MAMDC2: variants seen among roughly 807,000 people sequenced by gnomAD.
MAMDC2 encodes MAM domain containing 2.
In MAMDC2, 57 loss-of-function variants were observed where a neutral mutation model predicts 89.8. The ratio of observed to expected loss-of-function variants is 0.63; its 90% CI spans 0.51 to 0.79. The LOEUF (loss-of-function observed/expected upper bound fraction) is 0.79, where lower values mean the gene tolerates loss of function less well. Among genes scored for constraint, MAMDC2 ranks in the 30% least tolerant of loss-of-function variants. MAMDC2 has a pLI of 0.00. For missense variants in MAMDC2, 800 were observed against 820.6 expected, an observed-to-expected ratio of 0.97 and a Z score of 0.31; for synonymous variants, 313 against 293.4, an observed-to-expected ratio of 1.07 and a Z score of -0.68.
intron 2 of MAMDC2, among the ~76,000 whole-genome samples, chr9:70,059,419 A>C (rs565193893): frequency 2.8e-4 from 42 of 152,266 alleles, no homozygotes; most frequent in African/African-American, 9.6e-4. Context: ...CATGTGCATT[A>C]GGAAGCCACA....
At chr9:70,210,091 C>T (rs1393106199) in intron 11 of MAMDC2, among the ~76,000 whole-genome samples, 1 of 152,148 alleles carries the variant, frequency 6.6e-6, no homozygotes, top group East Asian at 1.9e-4. Flanking sequence ...CAATGTGGTG[C>T]TGAGAAGAAT....
At chr9:70,079,542 G>T (rs1233755647) in intron 2 of MAMDC2, among the ~76,000 whole-genome samples, 3 of 152,114 alleles carry the variant, frequency 2.0e-5, no homozygotes, top group Middle Eastern at 3.2e-3. Flanking sequence ...GTGGTCTGCT[G>T]GGGGGTTATG....
intron 9 of MAMDC2, among the ~76,000 whole-genome samples, chr9:70,146,711 T>C (rs2031415101): frequency 6.6e-6 from 1 of 152,066 alleles, no homozygotes; most frequent in Non-Finnish European, 1.5e-5. Flanking sequence ...GGCGAGTCGA[T>C]CACCTGAGGT....
intron 12 of MAMDC2, among the ~76,000 whole-genome samples, chr9:70,224,733 A>AAAT (rs1221614205): frequency 6.6e-6 from 1 of 152,184 alleles, no homozygotes; most frequent in East Asian, 1.9e-4. Context: ...ACATACTGAG[A>AAAT]AATAATGCTT....
rs896118619 is a variant in MAMDC2, at chr9:70,126,096, T to C, written c.644-63T>C. The C allele has an allele frequency of 2.7e-6, 4 of 1,498,258 alleles. No individual in the cohort carries two copies. The African/African-American group carries it at 5.5e-5, about 21-fold the overall frequency. The allele number at this position is 1,498,258 out of a possible 1,614,324, so 92.8% of individuals were successfully genotyped here. On this transcript the variant is annotated intron_variant, in intron 5 of 13. Transcript: ENST00000377182. ...GAATGCAGAATCACACCATTTCGCC[T>C]GAACCTCTTCCCCTCCCCCACCCCC...
chr9:70,131,849 CT>C, intron 7 of MAMDC2, among the ~76,000 whole-genome samples: 1 of 152,302 alleles, frequency 6.6e-6, no homozygotes, highest in South Asian at 2.1e-4. Flanking sequence ...AAGGTTTCAT[CT>C]TTCCTTTCCA....
intron 9 of MAMDC2, among the ~76,000 whole-genome samples, chr9:70,158,945 T>C (rs1244595163): frequency 6.6e-6 from 1 of 152,082 alleles, no homozygotes; most frequent in Non-Finnish European, 1.5e-5. Context: ...TATAATCTTA[T>C]GGAACTACCA....
chr9:70,146,005 T>C (rs2031392950), intron 9 of MAMDC2, among the ~76,000 whole-genome samples: 1 of 152,190 alleles, frequency 6.6e-6, no homozygotes, highest in Non-Finnish European at 1.5e-5. Flanking sequence ...GCTGAGCCAG[T>C]GTTTAGACGG....
Position 70,144,180 on chromosome 9 carries a change from C to G in MAMDC2, c.1404+361C>G, listed in dbSNP as rs184402815. Among the ~76,000 whole-genome samples, 345 of 152,286 alleles carry G rather than the reference C, an allele frequency of 2.3e-3. 3 individuals are homozygous for G. The highest frequency in any genetic ancestry group is 7.7e-3 in the African/African-American group (322 of 41,558). Reference sequence around the variant, plus strand: ...TCTTTCCCTCCCTCTTTCTCAAACACACATACACACACTAGTGGGAATGCT... The same window carrying G: ...TCTTTCCCTCCCTCTTTCTCAAACAGACATACACACACTAGTGGGAATGCT... On this transcript the variant is annotated intron_variant, in intron 9 of 13. Coordinates refer to ENST00000377182, the MANE Select transcript of MAMDC2 (RefSeq NM_153267.5).
chr9:70,097,367 G>A (rs571425622), intron 2 of MAMDC2, among the ~76,000 whole-genome samples: 45 of 152,270 alleles, frequency 3.0e-4, no homozygotes, highest in Middle Eastern at 3.4e-3. Context: ...GACAGATTGC[G>A]TAATGAATTT....
Position 70,108,499 on chromosome 9 carries a change from A to G in MAMDC2, c.420+17A>G. On this transcript the variant is annotated intron_variant, in intron 3 of 13. Transcript: ENST00000377182. ...AAATTCAAGGTAGGTGGAGTTTAGG[A>G]GAAAGATATAAGGCCTATTATCTTT... 6.4e-7 allele frequency: 1 copy of G among 1,567,886 alleles called. No homozygotes were observed. Among genetic ancestry groups the G allele is most frequent in the Non-Finnish European group, 8.6e-7 (1 of 1,162,220 alleles).
chr9:70,120,829 A>G (rs2118313261), intron 5 of MAMDC2, among the ~76,000 whole-genome samples: 1 of 152,270 alleles, frequency 6.6e-6, no homozygotes, highest in South Asian at 2.1e-4. Context: ...GGCCACCAAA[A>G]CCCTTACAAC....
Position 70,140,240 on chromosome 9 carries a change from A to C in MAMDC2, c.1090A>C (p.Lys364Gln). 1.2e-6 allele frequency: 2 copies of C among 1,601,936 alleles called. No individual in the cohort carries two copies. The highest frequency in any genetic ancestry group is 1.1e-5 in the South Asian group (1 of 88,416). ...DKEGPGWTRV[K>Q]VKPNMYRAGD... ...AGAAGGTCCAGGTTGGACCCGAGTGAAAGTAAAACCAAACATGTATCGGGC... is the reference window on the plus strand; with the variant it reads ...AGAAGGTCCAGGTTGGACCCGAGTGCAAGTAAAACCAAACATGTATCGGGC... The change falls in exon 8 of 14, where the codon AAA becomes CAA. Residue 364 changes from lysine to glutamine, a missense_variant. Physicochemically the swap from Lys to Gln is moderately conservative, Grantham distance 53. Coordinates refer to ENST00000377182, the MANE Select transcript of MAMDC2 (RefSeq NM_153267.5).
intron 9 of MAMDC2, among the ~76,000 whole-genome samples, chr9:70,155,954 A>G (rs2031748384): frequency 6.6e-6 from 1 of 152,198 alleles, no homozygotes; most frequent in Non-Finnish European, 1.5e-5. Flanking sequence ...AAGGAGCTCT[A>G]GTTCAGGAAT....
chr9:70,208,471 G>C (rs1475904431), intron 11 of MAMDC2, among the ~76,000 whole-genome samples: 1 of 152,120 alleles, frequency 6.6e-6, no homozygotes, highest in Non-Finnish European at 1.5e-5. Flanking sequence ...TGTGATTTTT[G>C]CACATTGATT....
intron 2 of MAMDC2, among the ~76,000 whole-genome samples, chr9:70,045,721 GAC>G (rs1826733280): frequency 6.6e-6 from 1 of 152,170 alleles, no homozygotes; most frequent in Non-Finnish European, 1.5e-5. Flanking sequence ...TAGCTTCTCT[GAC>G]CCTCACAGGT....
At chr9:70,168,093 A>C (rs1235576743) in intron 9 of MAMDC2, among the ~76,000 whole-genome samples, 1 of 152,254 alleles carries the variant, frequency 6.6e-6, no homozygotes, top group African/African-American at 2.4e-5. Flanking sequence ...TCTGTCACGC[A>C]GTTAACTTCT....
intron 8 of MAMDC2, among the ~76,000 whole-genome samples, chr9:70,142,082 T>C (rs957837193): frequency 6.6e-6 from 1 of 152,208 alleles, no homozygotes; most frequent in African/African-American, 2.4e-5. Flanking sequence ...GGTGGCATGT[T>C]CTGATCCCCT....
At chr9:70,189,130 T>C (rs548216252) in intron 11 of MAMDC2, among the ~76,000 whole-genome samples, 1 of 152,308 alleles carries the variant, frequency 6.6e-6, no homozygotes, top group South Asian at 2.1e-4. Flanking sequence ...TTCTTTATAT[T>C]TACCTACACA....
Sources: allele counts gnomAD v4.1 joint callset (sites outside exome capture counted in the v4.1 genomes callset), GRCh38; gene constraint gnomAD v4.1.1; transcripts MANE v1.5; gene names NCBI Gene and HGNC (gene_info 2026-07-23, HGNC 2026-07-21).